KCNIP4: variants seen among roughly 807,000 people sequenced by gnomAD.
KCNIP4 encodes Kv channel-interacting protein 4.
KCNIP4 carries 12 observed loss-of-function variants against 34.0 expected under a neutral mutation model. The ratio of observed to expected loss-of-function variants is 0.35; its 90% CI spans 0.23 to 0.57. KCNIP4 has a LOEUF of 0.57. Ranked by LOEUF, KCNIP4 falls within the 20% of genes least tolerant of loss-of-function variation. The probability of loss-of-function intolerance (pLI) is 0.83; values close to 1 mark genes in which losing one functional copy is unlikely to be tolerated. For missense variants in KCNIP4, 238 were observed against 311.7 expected, an observed-to-expected ratio of 0.76 and a Z score of 1.78; for synonymous variants, 124 against 102.2, an observed-to-expected ratio of 1.21 and a Z score of -1.29.
chr4:21,444,294 C>G (rs1289894134), intron 1 of KCNIP4, among the ~76,000 whole-genome samples: 1 of 152,122 alleles, frequency 6.6e-6, no homozygotes, highest in Non-Finnish European at 1.5e-5. Flanking sequence ...CATCATCCTG[C>G]TACCAAAGCC....
rs189623655 is a variant in KCNIP4, at chr4:21,200,583, A to G, written c.62-317874T>C. 3.9e-5 allele frequency among the ~76,000 whole-genome samples: 6 copies of G among 151,930 alleles called. No individual in the cohort carries two copies. The East Asian group carries it at 1.2e-3, about 30-fold the overall frequency. Reference sequence around the variant, plus strand: ...GTTCTCACTAAGTGGGAGCTAAACTATGGGTATGAAAAGGCATACAGAGTG... The same window carrying G: ...GTTCTCACTAAGTGGGAGCTAAACTGTGGGTATGAAAAGGCATACAGAGTG... On this transcript the variant is annotated intron_variant, in intron 1 of 8. Transcript: ENST00000382152.
chr4:21,405,406 A>C (rs895703946), intron 1 of KCNIP4, among the ~76,000 whole-genome samples: 1 of 152,134 alleles, frequency 6.6e-6, no homozygotes, highest in African/African-American at 2.4e-5. Context: ...ACAAAAAAAA[A>C]CCTCTGACAG....
intron 1 of KCNIP4, among the ~76,000 whole-genome samples, chr4:21,525,900 T>C (rs939082564): frequency 6.6e-6 from 1 of 152,196 alleles, no homozygotes; most frequent in Non-Finnish European, 1.5e-5. Context: ...TTTATCTTGT[T>C]TTGAAAATTA....
At chr4:21,197,951 A>G (rs1756175786) in intron 1 of KCNIP4, among the ~76,000 whole-genome samples, 1 of 152,194 alleles carries the variant, frequency 6.6e-6, no homozygotes, top group African/African-American at 2.4e-5. Flanking sequence ...TAGAATGAGA[A>G]ATCACTTATT....
intron 1 of KCNIP4, among the ~76,000 whole-genome samples, chr4:21,312,967 G>A (rs1212147422): frequency 1.3e-5 from 2 of 152,210 alleles, no homozygotes. Flanking sequence ...ATGTTCAGAA[G>A]TGTGAAGCTG....
intron 1 of KCNIP4, among the ~76,000 whole-genome samples, chr4:21,894,206 C>A (rs565846901): frequency 1.3e-5 from 2 of 151,830 alleles, no homozygotes. Context: ...TGTGGTGGCA[C>A]GTGCCTGTAG....
chr4:21,605,211 C>A (rs866490347), intron 1 of KCNIP4, among the ~76,000 whole-genome samples: 1 of 152,168 alleles, frequency 6.6e-6, no homozygotes, highest in African/African-American at 2.4e-5. Flanking sequence ...TTGCTGTAGA[C>A]GCTGTCAGAA....
chr4:21,414,334 T>C (rs1724766117), intron 1 of KCNIP4, among the ~76,000 whole-genome samples: 1 of 152,294 alleles, frequency 6.6e-6, no homozygotes, highest in Middle Eastern at 3.4e-3. Flanking sequence ...TATAAAACAA[T>C]GTCCATAGTC....
intron 1 of KCNIP4, among the ~76,000 whole-genome samples, chr4:21,201,675 T>A (rs1756507057): frequency 1.3e-5 from 2 of 152,092 alleles, no homozygotes; most frequent in African/African-American, 4.8e-5. Flanking sequence ...ATTTTTTGTG[T>A]TTTTAGTAGA....
intron 1 of KCNIP4, among the ~76,000 whole-genome samples, chr4:20,884,707 T>A (rs919875432): frequency 3.6e-5 from 4 of 109,796 alleles, no homozygotes; most frequent in African/African-American, 1.3e-4. Context: ...CAGTGCAGCC[T>A]TTTTTTTTTT....
intron 1 of KCNIP4, among the ~76,000 whole-genome samples, chr4:21,682,204 C>T (rs1408664011): frequency 1.3e-5 from 2 of 152,112 alleles, no homozygotes; most frequent in Non-Finnish European, 2.9e-5. Context: ...ATGCCATACA[C>T]TTTCAAATGA....
At chr4:21,100,985 A>G (rs941262280) in intron 1 of KCNIP4, among the ~76,000 whole-genome samples, 5 of 152,266 alleles carry the variant, frequency 3.3e-5, no homozygotes, top group Admixed American at 2.0e-4. Flanking sequence ...AATTTTATCT[A>G]TTGAGGGGGT....
At chr4:20,792,422 A>G (rs563482747) in intron 3 of KCNIP4, among the ~76,000 whole-genome samples, 174 of 152,194 alleles carry the variant, frequency 1.1e-3, no homozygotes, top group African/African-American at 3.9e-3. Flanking sequence ...AACAAATAGC[A>G]ATGCAACATA....
At chr4:21,456,402 T>A (rs953458939) in intron 1 of KCNIP4, among the ~76,000 whole-genome samples, 10 of 148,032 alleles carry the variant, frequency 6.8e-5, no homozygotes, top group Non-Finnish European at 1.5e-4. Context: ...TGGCTGTTAC[T>A]CATAATTAGG....
At chr4:21,617,537 A>C (rs1744690573) in intron 1 of KCNIP4, among the ~76,000 whole-genome samples, 1 of 152,152 alleles carries the variant, frequency 6.6e-6, no homozygotes, top group South Asian at 2.1e-4. Flanking sequence ...TAAGTAATAA[A>C]TCATAAATGA....
chr4:21,085,884 C>T (rs955697928), intron 1 of KCNIP4, among the ~76,000 whole-genome samples: 2 of 152,150 alleles, frequency 1.3e-5, no homozygotes, highest in African/African-American at 4.8e-5. Flanking sequence ...ATCTATCCTT[C>T]CATCATTGGT....
At chr4:21,862,877 C>T (rs1055614928) in intron 1 of KCNIP4, among the ~76,000 whole-genome samples, 2 of 150,782 alleles carry the variant, frequency 1.3e-5, no homozygotes, top group East Asian at 2.0e-4. Flanking sequence ...AGGAGAATGG[C>T]GTGAACCCGG....
At chr4:20,755,699 A>AT (rs1176822168) in intron 4 of KCNIP4, among the ~76,000 whole-genome samples, 2 of 152,194 alleles carry the variant, frequency 1.3e-5, no homozygotes, top group East Asian at 1.9e-4. Flanking sequence ...GCAATTTAAG[A>AT]TAGAGTGGTC....
At chr4:21,714,791 T>A (rs1002246432) in intron 1 of KCNIP4, among the ~76,000 whole-genome samples, 2 of 952 alleles carry the variant, frequency 2.1e-3, no homozygotes, top group African/African-American at 0.018. Context: ...CTTTGATTAT[T>A]TTATTTTATT....
Sources: gnomAD v4.1 joint callset for allele counts (sites outside exome capture counted in the v4.1 genomes callset) on GRCh38, gnomAD v4.1.1 for gene constraint, MANE v1.5 for transcripts, NCBI Gene and HGNC (gene_info 2026-07-23, HGNC 2026-07-21) for gene names.